Variants in MYLK2 observed in about 807,000 individuals in gnomAD.
MYLK2 encodes myosin light chain kinase 2.
Under a neutral mutation model 58.2 loss-of-function variants are expected in MYLK2, and 27 were observed. The observed-to-expected ratio is 0.46, with a 90% CI of 0.34 to 0.64. The LOEUF (loss-of-function observed/expected upper bound fraction) is 0.64, where lower values mean the gene tolerates loss of function less well. Among genes scored for constraint, MYLK2 ranks in the 30% least tolerant of loss-of-function variants. MYLK2 has a pLI of 0.01. For synonymous variants in MYLK2, 310 were observed against 296.7 expected, an observed-to-expected ratio of 1.04 and a Z score of -0.46; for missense variants, 676 against 764.3, an observed-to-expected ratio of 0.88 and a Z score of 1.36.
chr20:31,829,990 A>G (rs2062297665), intron 8 of MYLK2, among the ~76,000 whole-genome samples: 1 of 152,194 alleles, frequency 6.6e-6, no homozygotes, highest in African/African-American at 2.4e-5. Flanking sequence ...TGGAAGAGCC[A>G]ACCCTGTAGT....
At chr20:31,830,213 A>G (rs2062299025) in intron 8 of MYLK2, among the ~76,000 whole-genome samples, 1 of 152,202 alleles carries the variant, frequency 6.6e-6, no homozygotes, top group South Asian at 2.1e-4. Context: ...ATCTCAAGAT[A>G]ACAGTGTGTG....
Position 31,824,457 on chromosome 20 carries a change from A to G in MYLK2, c.972+105A>G, listed in dbSNP as rs1214098294. ...AGCGCTGCTGAACCTGGGGCCTGGTATGGGAGTTTGTTGCAGTGAAAATAC... is the reference window on the plus strand; with the variant it reads ...AGCGCTGCTGAACCTGGGGCCTGGTGTGGGAGTTTGTTGCAGTGAAAATAC... On this transcript the variant is annotated intron_variant, in intron 6 of 12. Coordinates refer to ENST00000375985, the MANE Select transcript of MYLK2 (RefSeq NM_033118.4). 1.9e-6 allele frequency: 3 copies of G among 1,542,442 alleles called. No homozygotes were observed. The African/African-American group carries it at 4.1e-5, about 21-fold the overall frequency.
intron 10 of MYLK2, 136 bp downstream of exon 10, chr20:31,831,277 G>A: frequency 2.3e-6 from 3 of 1,295,242 alleles, no homozygotes; most frequent in Non-Finnish European, 3.3e-6. Context: ...GCTGGGGTTG[G>A]GAGTGCTAGG....
chr20:31,819,755 C>T (rs1056100654), intron 2 of MYLK2, 123 bp downstream of exon 2: 51 of 1,208,708 alleles, frequency 4.2e-5, no homozygotes, highest in Non-Finnish European at 5.9e-5. Context: ...GCACGGGGGA[C>T]CCAGAAATCA....
Position 31,826,902 on chromosome 20 carries a change from C to T in MYLK2, c.1188C>T (p.Phe396=). The T allele has an allele frequency of 6.2e-7, 1 of 1,614,100 alleles. No homozygotes were observed. Among genetic ancestry groups the T allele is most frequent in the South Asian group, 1.1e-5 (1 of 91,078 alleles). ...GGCAGATCTGTGACGGGATCCTCTT[C>T]ATGCACAAGATGAGGGTTTTGCACC... The part of the protein sequence containing the change: ...FVRQICDGIL[F]MHKMRVLHLD... The change falls in exon 8 of 13, where the codon TTC becomes TTT. Residue 396 remains phenylalanine (F), a synonymous_variant. Coordinates refer to ENST00000375985, the MANE Select transcript of MYLK2 (RefSeq NM_033118.4).
chr20:31,831,767 G>T lies in MYLK2; in HGVS notation c.1489G>T (p.Gly497Cys), dbSNP rs1487051260. ...AGAGACCCTAAACAACGTTCTATCT[G>T]GCAACTGGTACTTTGATGAAGAGAC... ...DTETLNNVLS[G>C]NWYFDEETFE... The change falls in exon 11 of 13, where the codon GGC (glycine) becomes TGC (cysteine). Residue 497 changes from glycine to cysteine, a missense_variant. By Grantham distance (159) the Gly-to-Cys change is radical. Coordinates refer to ENST00000375985, the MANE Select transcript of MYLK2 (RefSeq NM_033118.4). The T allele has an allele frequency of 1.2e-6, 2 of 1,613,930 alleles. No homozygotes were observed. The highest frequency in any genetic ancestry group is 1.7e-6 in the Non-Finnish European group (2 of 1,180,018).
At chr20:31,822,903 A>C (rs2062258258) in intron 4 of MYLK2, among the ~76,000 whole-genome samples, 1 of 152,172 alleles carries the variant, frequency 6.6e-6, no homozygotes, top group Admixed American at 6.5e-5. Flanking sequence ...CTTGCTATTT[A>C]TAAAGAGGTT....
chr20:31,829,549 T>C (rs924627983), intron 8 of MYLK2, among the ~76,000 whole-genome samples: 2 of 152,242 alleles, frequency 1.3e-5, no homozygotes, highest in Non-Finnish European at 2.9e-5. Context: ...TTAGGGGACT[T>C]GAGTCAAATG....
Position 31,820,310 on chromosome 20 carries a change from G to A in MYLK2, c.237G>A (p.Glu79=), listed in dbSNP as rs1370772067. 1.2e-6 allele frequency: 2 copies of A among 1,613,306 alleles called. No homozygotes were observed. Among genetic ancestry groups the A allele is most frequent in the Non-Finnish European group, 1.7e-6 (2 of 1,179,904 alleles). The change falls in exon 3 of 13, where the codon GAG becomes GAA. Residue 79 remains glutamate (E), a synonymous_variant. Transcript: ENST00000375985. ...PSTSSQGPKG[E]GDRGGGPAEG... ...CTAGCAGCCAAGGCCCCAAAGGAGA[G>A]GGTGACAGGGGCGGGGGGCCCGCGG...
Position 31,826,646 on chromosome 20 carries a change from C to T in MYLK2, c.1014C>T (p.Asn338=). The stretch of plus-strand genomic sequence containing the variant: ...AGATTGAGGTCATGAACCAGCTGAA[C>T]CACCGCAATCTGATCCAGCTGTATG... The part of the protein sequence containing the change: ...LLEIEVMNQL[N]HRNLIQLYAA... Residue 338 remains asparagine, a synonymous_variant, in exon 7 of 13, where the codon AAC becomes AAT. Transcript: ENST00000375985. 1 of 1,614,058 alleles carries T rather than the reference C, an allele frequency of 6.2e-7. No homozygotes were observed. Among genetic ancestry groups the T allele is most frequent in the Non-Finnish European group, 8.5e-7 (1 of 1,179,998 alleles).
At chr20:31,827,132 AGG>A in intron 8 of MYLK2, 194 bp downstream of exon 8, 1 of 894,604 alleles carries the variant, frequency 1.1e-6, no homozygotes, top group Non-Finnish European at 1.3e-6. Flanking sequence ...AAAGAGAGAG[AGG>A]GGGGGAAAAA....
intron 8 of MYLK2, among the ~76,000 whole-genome samples, chr20:31,829,071 C>T (rs2123137581): frequency 6.6e-6 from 1 of 152,160 alleles, no homozygotes; most frequent in Non-Finnish European, 1.5e-5. Flanking sequence ...CAGATGGTGG[C>T]CCCTTCACTG....
intron 8 of MYLK2, chr20:31,827,593 A>G (rs2062286881): frequency 1.0e-6 from 1 of 961,628 alleles, no homozygotes; most frequent in South Asian, 4.8e-5. Context: ...ATCTTGGCTC[A>G]CTGCAACCTC....
Position 31,832,061 on chromosome 20 carries a change from G to A in MYLK2, c.1635G>A (p.Glu545=). 6.2e-7 allele frequency: 1 copy of A among 1,606,720 alleles called. No individual in the cohort carries two copies. ...LAHPWLNNLA[E]KAKRCNRRLK... ...ATCCCTGGCTCAACAACCTGGCGGA[G>A]AAAGCCAAACGCTGTAACCGACGCC... Residue 545 remains glutamate, a synonymous_variant, in exon 12 of 13, where the codon GAG becomes GAA. Coordinates refer to ENST00000375985, the MANE Select transcript of MYLK2 (RefSeq NM_033118.4).
Position 31,833,801 on chromosome 20 carries a change from CTGGG to C in MYLK2, c.*5_*8del. 1 of 1,611,174 alleles carries C rather than the reference CTGGG, an allele frequency of 6.2e-7. No homozygotes were observed. The highest frequency in any genetic ancestry group is 1.1e-5 in the South Asian group (1 of 91,068). Reference sequence around the variant, plus strand: ...ACTGATGGCTCTGGGGGTCTGAGCCCTGGGCGCAGCTGAAGCCTGGACGCAGCCA... The same window carrying C: ...ACTGATGGCTCTGGGGGTCTGAGCCCCGCAGCTGAAGCCTGGACGCAGCCA... On this transcript the variant is annotated 3_prime_UTR_variant, in exon 13 of 13. Coordinates refer to ENST00000375985, the MANE Select transcript of MYLK2 (RefSeq NM_033118.4).
In MYLK2 at chr20:31,824,219, G is replaced by C. The variant is rs757534400; in HGVS notation, c.879-40G>C. ...CAAAGGATGCCACTGACCCCGGTGGGCTCTGGGGTCCCCTCACTTACAGCC... is the reference window on the plus strand; with the variant it reads ...CAAAGGATGCCACTGACCCCGGTGGCCTCTGGGGTCCCCTCACTTACAGCC... On this transcript the variant is annotated intron_variant, in intron 5 of 12. Transcript: ENST00000375985. The C allele has an allele frequency of 8.7e-6, 14 of 1,600,948 alleles. No individual in the cohort carries two copies. In the East Asian group the frequency reaches 3.1e-4, roughly 36 times the overall value.
intron 8 of MYLK2, chr20:31,827,455 G>A (rs1211150262): frequency 1.0e-6 from 1 of 985,316 alleles, no homozygotes; most frequent in Non-Finnish European, 1.2e-6. Flanking sequence ...AATAAGTATA[G>A]TGTCAGCGTG....
intron 12 of MYLK2, among the ~76,000 whole-genome samples, chr20:31,832,573 A>T (rs1166600821): frequency 1.3e-5 from 2 of 152,066 alleles, no homozygotes; most frequent in Admixed American, 1.3e-4. Context: ...GCCCACTGCA[A>T]CCTCTGCCTC....
chr20:31,828,146 C>A, intron 8 of MYLK2: 2 of 983,290 alleles, frequency 2.0e-6, no homozygotes, highest in South Asian at 4.7e-5. Context: ...CCTCAGCCTC[C>A]CAAAGTGCTG....
Sources: allele counts gnomAD v4.1 joint callset (sites outside exome capture counted in the v4.1 genomes callset), GRCh38; gene constraint gnomAD v4.1.1; transcripts MANE v1.5; gene names NCBI Gene and HGNC (gene_info 2026-07-23, HGNC 2026-07-21).